Variants in CHRM2 observed in about 807,000 individuals in gnomAD.
The protein encoded by CHRM2 is muscarinic acetylcholine receptor M2.
In CHRM2, 8 loss-of-function variants were observed where a neutral mutation model predicts 25.0. The observed-to-expected ratio is 0.32, with a 90% CI of 0.19 to 0.58. The LOEUF (loss-of-function observed/expected upper bound fraction) is 0.58. CHRM2 is among the 20% of genes least tolerant of loss of function. The probability of loss-of-function intolerance (pLI) is 0.88; values close to 1 mark genes in which losing one functional copy is unlikely to be tolerated. For missense variants in CHRM2, 440 were observed against 567.1 expected, an observed-to-expected ratio of 0.78 and a Z score of 2.28; for synonymous variants, 202 against 205.7, an observed-to-expected ratio of 0.98 and a Z score of 0.15.
intron 2 of CHRM2, among the ~76,000 whole-genome samples, chr7:136,987,586 G>A (rs1057360789): frequency 1.3e-5 from 2 of 152,164 alleles, no homozygotes; most frequent in Admixed American, 6.5e-5. Flanking sequence ...CCTCAAAGAC[G>A]CTCAAGTGAG....
intron 2 of CHRM2, among the ~76,000 whole-genome samples, chr7:136,916,679 TAATATA>T (rs1204352984): frequency 6.0e-5 from 9 of 150,506 alleles, no homozygotes; most frequent in Non-Finnish European, 1.3e-4. Flanking sequence ...ATATTAATAT[TAATATA>T]ATTAATATAC....
chr7:136,946,814 T>C (rs961320686), intron 2 of CHRM2, among the ~76,000 whole-genome samples: 4 of 152,140 alleles, frequency 2.6e-5, no homozygotes, highest in Admixed American at 2.0e-4. Context: ...TGGAAATACT[T>C]ATGATGGAAG....
chr7:136,888,853 T>A (rs1047236086), intron 2 of CHRM2, among the ~76,000 whole-genome samples: 1 of 152,094 alleles, frequency 6.6e-6, no homozygotes, highest in East Asian at 1.9e-4. Context: ...GAGACCATCC[T>A]GGCTAACACG....
intron 3 of CHRM2, among the ~76,000 whole-genome samples, chr7:136,997,561 C>G (rs1381578345): frequency 1.3e-5 from 2 of 152,164 alleles, no homozygotes; most frequent in Non-Finnish European, 2.9e-5. Context: ...AGATCAATCT[C>G]ATGTGTTTTT....
intron 2 of CHRM2, among the ~76,000 whole-genome samples, chr7:136,957,274 T>C (rs1382442206): frequency 6.6e-6 from 1 of 152,170 alleles, no homozygotes; most frequent in Admixed American, 6.5e-5. Context: ...TGTGTGTGTG[T>C]GTGTGCACAT....
At chr7:136,957,226 C>T (rs1356366180) in intron 2 of CHRM2, among the ~76,000 whole-genome samples, 1 of 151,844 alleles carries the variant, frequency 6.6e-6, no homozygotes, top group Non-Finnish European at 1.5e-5. Flanking sequence ...CAGCCCACTC[C>T]TATCAACATA....
At chr7:136,900,974 G>A (rs563651971) in intron 2 of CHRM2, among the ~76,000 whole-genome samples, 3 of 152,022 alleles carry the variant, frequency 2.0e-5, no homozygotes, top group African/African-American at 7.2e-5. Flanking sequence ...TCAAGGCATG[G>A]ATATATTCTT....
chr7:137,010,076 T>C (rs1022091095), intron 3 of CHRM2, among the ~76,000 whole-genome samples: 2 of 152,076 alleles, frequency 1.3e-5, no homozygotes, highest in African/African-American at 4.8e-5. Flanking sequence ...CTCACTTTCA[T>C]CCTTACTACA....
chr7:136,897,004 G>T (rs1317691375), intron 2 of CHRM2, among the ~76,000 whole-genome samples: 1 of 152,016 alleles, frequency 6.6e-6, no homozygotes, highest in Admixed American at 6.6e-5. Flanking sequence ...GAGGTACAAG[G>T]TGATGGCTTC....
chr7:136,968,890 G>A (rs1167497252), intron 2 of CHRM2, among the ~76,000 whole-genome samples: 2 of 151,904 alleles, frequency 1.3e-5, no homozygotes, highest in East Asian at 3.9e-4. Context: ...CAATATCCAT[G>A]AACATAAATC....
chr7:136,940,681 T>C (rs1277925047), intron 2 of CHRM2, among the ~76,000 whole-genome samples: 2 of 152,212 alleles, frequency 1.3e-5, no homozygotes, highest in South Asian at 2.1e-4. Flanking sequence ...TATATTGCTG[T>C]TTATTGAACA....
chr7:137,004,973 T>C (rs1804324220), intron 3 of CHRM2, among the ~76,000 whole-genome samples: 1 of 152,130 alleles, frequency 6.6e-6, no homozygotes, highest in Non-Finnish European at 1.5e-5. Context: ...TTCCCATTAC[T>C]CTCCACACTT....
At chr7:136,953,965 A>C (rs1224556637) in intron 2 of CHRM2, among the ~76,000 whole-genome samples, 1 of 152,030 alleles carries the variant, frequency 6.6e-6, no homozygotes, top group East Asian at 1.9e-4. Context: ...GTGAGAGGAG[A>C]TCTTGGGCCA....
intron 2 of CHRM2, among the ~76,000 whole-genome samples, chr7:136,950,601 T>G (rs1227392095): frequency 2.0e-5 from 3 of 152,076 alleles, no homozygotes; most frequent in Non-Finnish European, 2.9e-5. Flanking sequence ...AAAATTCCAG[T>G]GAACGATGTA....
chr7:136,991,730 G>A (rs113858264), intron 2 of CHRM2, among the ~76,000 whole-genome samples: 57 of 152,134 alleles, frequency 3.7e-4, no homozygotes, highest in African/African-American at 1.2e-3. Context: ...CCTCTGCCAC[G>A]TCTGTCTGAT....
intron 2 of CHRM2, among the ~76,000 whole-genome samples, chr7:136,989,826 C>T (rs1803099135): frequency 6.6e-6 from 1 of 152,020 alleles, no homozygotes; most frequent in Non-Finnish European, 1.5e-5. Context: ...ATAGTACTTC[C>T]TTTTTTAGAA....
chr7:136,973,386 C>T (rs167786), intron 2 of CHRM2, among the ~76,000 whole-genome samples: 30 of 49,436 alleles, frequency 6.1e-4, no homozygotes, highest in South Asian at 1.4e-3. Context: ...GGGATGGTGG[C>T]AGGTGATGAC....
chr7:137,017,697 G>C lies in CHRM2; in HGVS notation c.*1431G>C, dbSNP rs1262550160. The C allele has an allele frequency of 6.6e-6, 1 of 151,896 alleles. No homozygotes were observed. Among genetic ancestry groups the C allele is most frequent in the African/African-American group, 2.4e-5 (1 of 41,400 alleles). 9.4% of individuals were successfully genotyped at this position (151,896 alleles called of 1,614,324 possible). On this transcript the variant is annotated 3_prime_UTR_variant, in exon 4 of 4. Coordinates refer to ENST00000680005, the MANE Select transcript of CHRM2 (RefSeq NM_001006630.2). ...TAGTAATCTTTGTGACAGAAATGTA[G>C]TGGCTAACTAAATAGAGGCCAAACG... is the stretch of plus-strand genomic sequence containing the variant.
chr7:136,970,055 C>G (rs1165581057), intron 2 of CHRM2, among the ~76,000 whole-genome samples: 1 of 152,128 alleles, frequency 6.6e-6, no homozygotes, highest in Non-Finnish European at 1.5e-5. Flanking sequence ...GCACTAATCC[C>G]ATCATGAAGC....
Sources: allele counts gnomAD v4.1 joint callset (sites outside exome capture counted in the v4.1 genomes callset), GRCh38; gene constraint gnomAD v4.1.1; transcripts MANE v1.5; gene names NCBI Gene and HGNC (gene_info 2026-07-23, HGNC 2026-07-21).